Variants in PDE1A observed in about 807,000 individuals in gnomAD.
PDE1A encodes phosphodiesterase 1A, also known as dual specificity calcium/calmodulin-dependent 3',5'-cyclic nucleotide phosphodiesterase 1A.
A neutral mutation model predicts 61.7 loss-of-function variants in PDE1A; 35 were observed. The ratio of observed to expected loss-of-function variants is 0.57; its 90% CI spans 0.43 to 0.75. PDE1A has a LOEUF of 0.75. Ranked by LOEUF, PDE1A falls within the 30% of genes least tolerant of loss-of-function variation. The pLI is 0.00. For missense variants in PDE1A, 597 were observed against 630.6 expected (o/e 0.95, Z 0.57); for synonymous variants, 232 against 213.2 (o/e 1.09, Z -0.77).
At chr2:182,303,633 A>G (rs1695387571) in intron 1 of PDE1A, among the ~76,000 whole-genome samples, 1 of 152,322 alleles carries the variant, frequency 6.6e-6, no homozygotes, top group Admixed American at 6.5e-5. Flanking sequence ...CCCTAATAGT[A>G]GAGTCAGCCT....
intron 2 of PDE1A, among the ~76,000 whole-genome samples, chr2:182,460,533 G>A (rs937224892): frequency 5.3e-5 from 8 of 152,034 alleles, no homozygotes; most frequent in African/African-American, 7.2e-5. Flanking sequence ...GTGCACCACC[G>A]CACCCTGATT....
intron 6 of PDE1A, among the ~76,000 whole-genome samples, chr2:182,228,678 C>T (rs959956376): frequency 6.6e-6 from 1 of 152,102 alleles, no homozygotes; most frequent in Non-Finnish European, 1.5e-5. Flanking sequence ...ACAAAATAGT[C>T]AATACATTCA....
chr2:182,332,276 T>C (rs546478315), intron 1 of PDE1A, among the ~76,000 whole-genome samples: 1 of 152,280 alleles, frequency 6.6e-6, no homozygotes, highest in Admixed American at 6.5e-5. Flanking sequence ...GTTCTTAGCT[T>C]TCTTGCATTG....
chr2:182,425,355 T>C (rs1370239507), intron 1 of PDE1A, among the ~76,000 whole-genome samples: 1 of 152,136 alleles, frequency 6.6e-6, no homozygotes, highest in Non-Finnish European at 1.5e-5. Context: ...TTTTAGGAAA[T>C]ATGGTAGGTG....
chr2:182,411,051 G>A (rs972715022), intron 1 of PDE1A, among the ~76,000 whole-genome samples: 2 of 152,142 alleles, frequency 1.3e-5, no homozygotes, highest in African/African-American at 4.8e-5. Flanking sequence ...TTTCATAAAT[G>A]AAACACATCC....
At chr2:182,664,134 C>T in the PDE1A span, among the ~76,000 whole-genome samples, 1 of 152,148 alleles carries the variant, frequency 6.6e-6, no homozygotes, top group Non-Finnish European at 1.5e-5. Flanking sequence ...AATTTTTACA[C>T]ATCCATCCAA....
Position 182,186,148 on chromosome 2 carries a change from A to G in PDE1A, c.1329-69T>C, listed in dbSNP as rs74347590. ...TGGGGTGAACAAGGAAAACCTGAAA[A>G]ACTTTACAAAACCGACTAGAAAAGC... is the stretch of plus-strand genomic sequence containing the variant. On this transcript the variant is annotated intron_variant, in intron 12 of 13. Transcript: ENST00000351439. 2,190 of 1,510,214 alleles carry G rather than the reference A, an allele frequency of 1.5e-3. 48 individuals carry two copies. The East Asian group carries it at 0.044, about 30-fold the overall frequency. The allele number at this position is 1,510,214 out of a possible 1,614,324, so 93.6% of individuals were successfully genotyped here.
chr2:182,290,990 C>T (rs1472712684), intron 1 of PDE1A, among the ~76,000 whole-genome samples: 1 of 152,080 alleles, frequency 6.6e-6, no homozygotes, highest in Non-Finnish European at 1.5e-5. Context: ...TCTGACTTCA[C>T]ACTTACACTA....
At chr2:182,353,125 TA>T (rs1698984242) in intron 1 of PDE1A, among the ~76,000 whole-genome samples, 1 of 152,180 alleles carries the variant, frequency 6.6e-6, no homozygotes, top group African/African-American at 2.4e-5. Context: ...AGCTGCAAGC[TA>T]AAAAACAGAC....
intron 2 of PDE1A, among the ~76,000 whole-genome samples, chr2:182,243,462 T>C (rs1249104637): frequency 6.6e-6 from 1 of 152,120 alleles, no homozygotes; most frequent in Non-Finnish European, 1.5e-5. Flanking sequence ...TGATCAGTAT[T>C]GGCATGTTTG....
At chr2:182,641,097 T>C in the PDE1A span, among the ~76,000 whole-genome samples, 1 of 151,070 alleles carries the variant, frequency 6.6e-6, no homozygotes, top group East Asian at 1.9e-4. Flanking sequence ...TTTTCAAACA[T>C]GTGAAAAATG....
At chr2:182,187,848 G>T (rs1378097778) in intron 11 of PDE1A, among the ~76,000 whole-genome samples, 1 of 144,600 alleles carries the variant, frequency 6.9e-6, no homozygotes, top group Admixed American at 7.2e-5. Context: ...GGGTTCAAGT[G>T]ATTCTCATGC....
chr2:182,387,103 G>C (rs988771890), intron 1 of PDE1A, among the ~76,000 whole-genome samples: 1 of 152,196 alleles, frequency 6.6e-6, no homozygotes, highest in African/African-American at 2.4e-5. Context: ...GGATGCTGTT[G>C]ATCTATGACC....
intron 1 of PDE1A, among the ~76,000 whole-genome samples, chr2:182,401,518 A>G (rs1462486535): frequency 6.6e-6 from 1 of 152,204 alleles, no homozygotes; most frequent in East Asian, 1.9e-4. Context: ...GATGGGAAGT[A>G]TCTCAAAACA....
the PDE1A span, among the ~76,000 whole-genome samples, chr2:182,549,261 A>C: frequency 1.3e-5 from 2 of 152,138 alleles, no homozygotes; most frequent in Non-Finnish European, 2.9e-5. Context: ...ATAGAAGATA[A>C]AGTTAAAGTC....
chr2:182,466,230 T>C (rs958596905), intron 2 of PDE1A, among the ~76,000 whole-genome samples: 7 of 152,092 alleles, frequency 4.6e-5, no homozygotes, highest in Non-Finnish European at 7.4e-5. Context: ...TCCTACTATT[T>C]AAAGATATTG....
chr2:182,660,749 T>C, the PDE1A span, among the ~76,000 whole-genome samples: 1 of 152,098 alleles, frequency 6.6e-6, no homozygotes, highest in East Asian at 1.9e-4. Flanking sequence ...TGCAAGAAAT[T>C]AAAATCTGCC....
chr2:182,653,113 C>T, the PDE1A span, among the ~76,000 whole-genome samples: 1 of 152,146 alleles, frequency 6.6e-6, no homozygotes, highest in African/African-American at 2.4e-5. Context: ...ATAGGAATCA[C>T]TTTCGACCCT....
the PDE1A span, among the ~76,000 whole-genome samples, chr2:182,688,941 A>G: frequency 6.6e-6 from 1 of 152,260 alleles, no homozygotes; most frequent in Non-Finnish European, 1.5e-5. Flanking sequence ...AGGCCATTAC[A>G]TAATGATAAA....
Sources: gnomAD v4.1 joint callset for allele counts (sites outside exome capture counted in the v4.1 genomes callset) on GRCh38, gnomAD v4.1.1 for gene constraint, MANE v1.5 for transcripts, NCBI Gene and HGNC (gene_info 2026-07-23, HGNC 2026-07-21) for gene names.